Variants in SYNDIG1L observed in about 807,000 individuals in gnomAD.
The protein encoded by SYNDIG1L is synapse differentiation-inducing gene protein 1-like.
Under a neutral mutation model 20.1 loss-of-function variants are expected in SYNDIG1L, and 13 were observed. The observed-to-expected ratio is 0.65, with a 90% CI of 0.42 to 1.03. SYNDIG1L has a LOEUF of 1.03. Ranked by LOEUF, SYNDIG1L falls within the 50% of genes least tolerant of loss-of-function variation. The pLI, the probability that SYNDIG1L is intolerant of heterozygous loss-of-function variation, is 0.00. For missense variants in SYNDIG1L, 294 were observed against 305.1 expected, an observed-to-expected ratio of 0.96 and a Z score of 0.27; for synonymous variants, 128 against 129.3, an observed-to-expected ratio of 0.99 and a Z score of 0.07.
chr14:74,420,374 C>G (rs1391559714), intron 1 of SYNDIG1L, among the ~76,000 whole-genome samples: 3 of 127,972 alleles, frequency 2.3e-5, no homozygotes, highest in Non-Finnish European at 4.7e-5. Context: ...GCCTGTGTGA[C>G]AGAGTGAGAC....
At chr14:74,462,820 G>A in the SYNDIG1L span, among the ~76,000 whole-genome samples, 1 of 152,078 alleles carries the variant, frequency 6.6e-6, no homozygotes, top group Non-Finnish European at 1.5e-5. Context: ...TAGCCTAAAT[G>A]CATTTTTGAC....
chr14:74,478,692 AGAG>A, the SYNDIG1L span, among the ~76,000 whole-genome samples: 1 of 152,250 alleles, frequency 6.6e-6, no homozygotes, highest in African/African-American at 2.4e-5. Context: ...TCTTGTGCAC[AGAG>A]GATAGCCTCA....
chr14:74,453,352 C>A, the SYNDIG1L span, among the ~76,000 whole-genome samples: 3 of 26,782 alleles, frequency 1.1e-4, no homozygotes, highest in Admixed American at 7.3e-4. Context: ...GACTCTGTCT[C>A]AAAAAAAAAA....
intron 1 of SYNDIG1L, among the ~76,000 whole-genome samples, chr14:74,411,072 C>T (rs1331658511): frequency 6.6e-6 from 1 of 152,188 alleles, no homozygotes. Flanking sequence ...CTAGGGGCCC[C>T]AGGGACCTCC....
chr14:74,427,779 T>C (rs914210925), upstream of SYNDIG1L, among the ~76,000 whole-genome samples: 3 of 151,854 alleles, frequency 2.0e-5, no homozygotes, highest in African/African-American at 7.3e-5. Context: ...CAGACACACA[T>C]AGACACACAC....
At chr14:74,476,407 T>A in the SYNDIG1L span, 1 of 864,168 alleles carries the variant, frequency 1.2e-6, no homozygotes, top group Non-Finnish European at 1.9e-6. Flanking sequence ...CTGGGACATA[T>A]GATTTGTGGA....
the SYNDIG1L span, among the ~76,000 whole-genome samples, chr14:74,477,039 AACACACAC>A: frequency 9.5e-3 from 920 of 96,928 alleles, 19 homozygotes; most frequent in Admixed American, 0.022. Flanking sequence ...CCCCATTCCC[AACACACAC>A]ACACACACAC....
chr14:74,478,346 T>C, the SYNDIG1L span, among the ~76,000 whole-genome samples: 1 of 152,224 alleles, frequency 6.6e-6, no homozygotes, highest in Non-Finnish European at 1.5e-5. Flanking sequence ...AGATATACAG[T>C]ATTAAAACAT....
chr14:74,409,048 T>TTTTATTTATTTA (rs10642138), intron 2 of SYNDIG1L, among the ~76,000 whole-genome samples: 123 of 139,810 alleles, frequency 8.8e-4, no homozygotes, highest in East Asian at 1.0e-3. Flanking sequence ...GGAACTTGCA[T>TTTTATTTATTTA]TTTATTTATT....
chr14:74,430,257 C>A (rs1409528000), upstream of SYNDIG1L, among the ~76,000 whole-genome samples: 1 of 152,160 alleles, frequency 6.6e-6, no homozygotes, highest in Admixed American at 6.5e-5. Context: ...TGAGCATTTG[C>A]ACCCTGGCAG....
At chr14:74,450,600 G>T in the SYNDIG1L span, among the ~76,000 whole-genome samples, 1 of 152,018 alleles carries the variant, frequency 6.6e-6, no homozygotes, top group African/African-American at 2.4e-5. Context: ...CTTCTCAATA[G>T]ATGCAGAAAA....
the SYNDIG1L span, among the ~76,000 whole-genome samples, chr14:74,451,865 C>T: frequency 6.6e-6 from 1 of 151,428 alleles, no homozygotes; most frequent in Non-Finnish European, 1.5e-5. Flanking sequence ...TGGCACGCGT[C>T]TATAGTCCCA....
intron 1 of SYNDIG1L, among the ~76,000 whole-genome samples, chr14:74,413,389 T>G (rs1331992408): frequency 6.6e-6 from 1 of 152,202 alleles, no homozygotes; most frequent in Non-Finnish European, 1.5e-5. Context: ...TAAATTACTG[T>G]GCACAATACA....
chr14:74,471,029 T>A, the SYNDIG1L span, among the ~76,000 whole-genome samples: 1 of 152,204 alleles, frequency 6.6e-6, no homozygotes, highest in Admixed American at 6.5e-5. Flanking sequence ...CAGTTGCTCC[T>A]GGAGTCAAGA....
the SYNDIG1L span, among the ~76,000 whole-genome samples, chr14:74,432,140 GGTGTGTGTGTGTGT>G: frequency 2.5e-5 from 3 of 121,086 alleles, no homozygotes; most frequent in South Asian, 3.2e-4. Context: ...TGCCTTGGAA[GGTGTGTGTGTGTGT>G]GTGTGTGTGT....
At chr14:74,425,816 C>G (rs2086259949) in intron 1 of SYNDIG1L, 96 bp downstream of exon 1, 1 of 152,238 alleles carries the variant, frequency 6.6e-6, no homozygotes, top group South Asian at 2.1e-4. Context: ...GGAGTCAGAG[C>G]CCCTAGCCCC....
At chr14:74,479,016 G>A in the SYNDIG1L span, among the ~76,000 whole-genome samples, 1 of 152,112 alleles carries the variant, frequency 6.6e-6, no homozygotes, top group African/African-American at 2.4e-5. Flanking sequence ...CCAGAGACCC[G>A]CACAACAGTT....
At chr14:74,415,152 A>C (rs750757894) in intron 1 of SYNDIG1L, among the ~76,000 whole-genome samples, 10 of 152,212 alleles carry the variant, frequency 6.6e-5, no homozygotes, top group Non-Finnish European at 1.5e-4. Context: ...TTAGGGCTAC[A>C]TGCTGGAAGT....
chr14:74,421,513 T>TA, intron 1 of SYNDIG1L, among the ~76,000 whole-genome samples: 1 of 152,084 alleles, frequency 6.6e-6, no homozygotes, highest in East Asian at 1.9e-4. Context: ...TTTCCTGAAC[T>TA]AAAAAACAAA....
Sources: allele counts gnomAD v4.1 joint callset (sites outside exome capture counted in the v4.1 genomes callset), GRCh38; gene constraint gnomAD v4.1.1; transcripts MANE v1.5; gene names NCBI Gene and HGNC (gene_info 2026-07-23, HGNC 2026-07-21).